Variants in SGPL1 observed in about 807,000 individuals in gnomAD.
SGPL1 encodes sphingosine-1-phosphate lyase 1, also known as SP-lyase 1.
Under a neutral mutation model 68.9 loss-of-function variants are expected in SGPL1, and 37 were observed. The observed-to-expected ratio is 0.54, with a 90% CI of 0.41 to 0.71. The LOEUF is 0.71. Ranked by LOEUF, SGPL1 falls within the 30% of genes least tolerant of loss-of-function variation. SGPL1 has a pLI of 0.00. For synonymous variants in SGPL1, 236 were observed against 248.5 expected (o/e 0.95, Z 0.47); for missense variants, 551 against 704.6 (o/e 0.78, Z 2.47).
chr10:70,844,340 A>G, intron 2 of SGPL1, 133 bp from the exon 3 acceptor site: 3 of 734,606 alleles, frequency 4.1e-6, no homozygotes, highest in Non-Finnish European at 6.5e-6. Flanking sequence ...AGATGATAAT[A>G]AGATTATTGC....
chr10:70,851,436 C>T (rs1037741163), intron 4 of SGPL1, among the ~76,000 whole-genome samples: 5 of 151,946 alleles, frequency 3.3e-5, no homozygotes, highest in Non-Finnish European at 7.4e-5. Context: ...CACTAAACAT[C>T]CTACAGTGTA....
intron 2 of SGPL1, among the ~76,000 whole-genome samples, chr10:70,834,756 T>G (rs1449500024): frequency 6.6e-6 from 1 of 152,208 alleles, no homozygotes; most frequent in African/African-American, 2.4e-5. Flanking sequence ...GTAAACTAGC[T>G]GACAGGACTT....
chr10:70,826,708 T>A (rs1239635910), intron 2 of SGPL1, among the ~76,000 whole-genome samples: 2 of 152,230 alleles, frequency 1.3e-5, no homozygotes, highest in East Asian at 3.8e-4. Context: ...CTTGCCTTTT[T>A]AAAAATAGTT....
chr10:70,854,814 C>T lies in SGPL1; in HGVS notation c.368C>T (p.Ser123Leu), dbSNP rs755893872. ...GCTTTACCCTCCCAGGGTCTGAGCT[C>T]ATCTGCTGTTTTGGAGAAACTTAAG... ...VKALPSQGLS[S>L]SAVLEKLKEY... Residue 123 changes from serine (S) to leucine (L), a missense_variant, in exon 5 of 15, where the codon TCA becomes TTA. Coordinates refer to ENST00000373202, the MANE Select transcript of SGPL1 (RefSeq NM_003901.4). 3 of 1,613,434 alleles carry T rather than the reference C, an allele frequency of 1.9e-6. No homozygotes were observed. The highest frequency in any genetic ancestry group is 2.5e-6 in the Non-Finnish European group (3 of 1,179,762).
intron 2 of SGPL1, among the ~76,000 whole-genome samples, chr10:70,830,983 G>A (rs1407503968): frequency 6.6e-6 from 1 of 152,144 alleles, no homozygotes; most frequent in Non-Finnish European, 1.5e-5. Flanking sequence ...TCAAATGAAT[G>A]TGCAAATGGA....
At position 70,878,185 on chromosome 10, in the gene SGPL1, T is replaced by A. The variant is rs1236564916; in HGVS notation, c.*850T>A. ...AGAGTCACTTCTATTGCAACTCATT[T>A]TCTTTTTCCAGGGCACAGATCGACC... On this transcript the variant is annotated 3_prime_UTR_variant, in exon 15 of 15. Coordinates refer to ENST00000373202, the MANE Select transcript of SGPL1 (RefSeq NM_003901.4). The A allele has an allele frequency of 6.6e-6, 1 of 152,332 alleles. No individual in the cohort carries two copies. The highest frequency in any genetic ancestry group is 1.9e-4 in the East Asian group (1 of 5,200). The allele number at this position is 152,332 out of a possible 1,614,324, so 9.4% of individuals were successfully genotyped here.
In SGPL1 at chr10:70,822,590, T is replaced by C. The variant is rs144153762; in HGVS notation, c.27+5710T>C. Among the ~76,000 whole-genome samples the C allele has an allele frequency of 7.1e-3, 1,080 of 152,258 alleles. 21 individuals carry two copies. Among genetic ancestry groups the C allele is most frequent in the African/African-American group, 0.025 (1,033 of 41,546 alleles). ...CCAATTACTGAGATAAAAACCATGC[T>C]GTGGGGGAAGGGGAGATAGGGGCCC... is the stretch of plus-strand genomic sequence containing the variant. On this transcript the variant is annotated intron_variant, in intron 2 of 14. Transcript: ENST00000373202.
At chr10:70,830,836 A>G (rs1845521954) in intron 2 of SGPL1, among the ~76,000 whole-genome samples, 1 of 152,206 alleles carries the variant, frequency 6.6e-6, no homozygotes, top group Non-Finnish European at 1.5e-5. Context: ...TTCGAAAGTA[A>G]TATCCTGACT....
At chr10:70,829,901 A>G (rs889692790) in intron 2 of SGPL1, among the ~76,000 whole-genome samples, 4 of 152,160 alleles carry the variant, frequency 2.6e-5, no homozygotes, top group African/African-American at 4.8e-5. Context: ...TTGCTGGATA[A>G]AAAAATATTC....
intron 9 of SGPL1, 145 bp from the exon 10 acceptor site, chr10:70,870,903 C>T (rs1589475184): frequency 1.5e-6 from 1 of 659,378 alleles, no homozygotes; most frequent in East Asian, 2.7e-5. Flanking sequence ...TGGTGGGATG[C>T]AGTCTTCTCC....
At chr10:70,854,974 CTACTCTCTGTT>C (rs1421989182) in intron 5 of SGPL1, 119 bp downstream of exon 5, 3 of 813,098 alleles carry the variant, frequency 3.7e-6, no homozygotes, top group Non-Finnish European at 3.5e-6. Context: ...TTAGGAGGGC[CTACTCTCTGTT>C]TCACAGGTTG....
chr10:70,848,328 GTTAAAC>G (rs556241468), intron 3 of SGPL1, among the ~76,000 whole-genome samples: 57 of 151,644 alleles, frequency 3.8e-4, no homozygotes, highest in African/African-American at 1.2e-3. Flanking sequence ...TTTCTATTTT[GTTAAAC>G]TTAAAATTCT....
At chr10:70,845,236 G>A (rs550443863) in intron 3 of SGPL1, among the ~76,000 whole-genome samples, 7 of 151,938 alleles carry the variant, frequency 4.6e-5, no homozygotes, top group Non-Finnish European at 8.8e-5. Context: ...TAAACCTTTG[G>A]TACCAGTTTC....
intron 7 of SGPL1, among the ~76,000 whole-genome samples, chr10:70,865,212 C>CTT (rs199971329): frequency 5.5e-4 from 81 of 146,890 alleles, no homozygotes; most frequent in Middle Eastern, 7.1e-3. Context: ...TTCACTGTTT[C>CTT]TTTTTTTTTT....
At chr10:70,855,748 A>C (rs1845953509) in intron 5 of SGPL1, among the ~76,000 whole-genome samples, 1 of 152,236 alleles carries the variant, frequency 6.6e-6, no homozygotes, top group Admixed American at 6.5e-5. Context: ...ATATATTTAC[A>C]GAAAAGTAGC....
chr10:70,833,861 A>T (rs1010807001), intron 2 of SGPL1, among the ~76,000 whole-genome samples: 4 of 152,242 alleles, frequency 2.6e-5, no homozygotes, highest in Non-Finnish European at 5.9e-5. Context: ...TGAGCGTTGA[A>T]TAGTTCAGGA....
intron 7 of SGPL1, among the ~76,000 whole-genome samples, chr10:70,861,197 TA>T (rs1001133559): frequency 1.0e-3 from 149 of 143,886 alleles, no homozygotes; most frequent in Middle Eastern, 7.1e-3. Context: ...CAAGACAGAT[TA>T]AAAAAAAAAA....
At chr10:70,835,323 T>C (rs1845607935) in intron 2 of SGPL1, among the ~76,000 whole-genome samples, 1 of 152,126 alleles carries the variant, frequency 6.6e-6, no homozygotes, top group Non-Finnish European at 1.5e-5. Context: ...CTAACCAGAG[T>C]TGAATTCTTT....
At chr10:70,823,574 A>G (rs1211368590) in intron 2 of SGPL1, among the ~76,000 whole-genome samples, 4 of 149,216 alleles carry the variant, frequency 2.7e-5, no homozygotes, top group Non-Finnish European at 4.5e-5. Flanking sequence ...AAAAAAAAAA[A>G]AAAAAAAAGC....
Sources: gnomAD v4.1 joint callset for allele counts (sites outside exome capture counted in the v4.1 genomes callset) on GRCh38, gnomAD v4.1.1 for gene constraint, MANE v1.5 for transcripts, NCBI Gene and HGNC (gene_info 2026-07-23, HGNC 2026-07-21) for gene names.